LPP: variants seen among roughly 807,000 people sequenced by gnomAD.
LPP encodes lipoma-preferred partner.
LPP carries 38 observed loss-of-function variants against 60.4 expected under a neutral mutation model. The observed-to-expected ratio is 0.63, with a 90% CI of 0.49 to 0.83. The LOEUF (loss-of-function observed/expected upper bound fraction) is 0.83. LPP is among the 40% of genes least tolerant of loss of function. LPP has a pLI of 0.00. For synonymous variants in LPP, 328 were observed against 290.8 expected, an observed-to-expected ratio of 1.13 and a Z score of -1.30; for missense variants, 902 against 783.6, an observed-to-expected ratio of 1.15 and a Z score of -1.80.
intron 3 of LPP, among the ~76,000 whole-genome samples, chr3:188,347,167 C>A (rs1764621759): frequency 6.6e-6 from 1 of 151,956 alleles, no homozygotes; most frequent in African/African-American, 2.4e-5. Context: ...TATGTGAATA[C>A]CTCCAGAGAT....
At chr3:188,709,856 T>C (rs913747418) in intron 8 of LPP, 1 of 152,186 alleles carries the variant, frequency 6.6e-6, no homozygotes, top group African/African-American at 2.4e-5. Context: ...AGACACAAAA[T>C]AAAATGGAAG....
chr3:188,269,210 A>T (rs539627294), intron 2 of LPP, among the ~76,000 whole-genome samples: 4 of 152,322 alleles, frequency 2.6e-5, no homozygotes, highest in Non-Finnish European at 5.9e-5. Context: ...TAATATCTTT[A>T]TGCTGTTCCT....
intron 9 of LPP, among the ~76,000 whole-genome samples, chr3:188,831,319 A>T (rs1480586811): frequency 6.6e-6 from 1 of 152,174 alleles, no homozygotes; most frequent in African/African-American, 2.4e-5. Flanking sequence ...CTGGAGAGCA[A>T]AATCAAGCAC....
intron 4 of LPP, among the ~76,000 whole-genome samples, chr3:188,432,021 G>A (rs1237367544): frequency 2.0e-5 from 3 of 151,902 alleles, no homozygotes; most frequent in Non-Finnish European, 4.4e-5. Flanking sequence ...ATGTTCTTAA[G>A]TGCATGTAGT....
intron 2 of LPP, among the ~76,000 whole-genome samples, chr3:188,283,976 C>CA (rs35079555): frequency 0.066 from 10,060 of 151,324 alleles, 471 homozygotes; most frequent in Non-Finnish European, 0.099. Flanking sequence ...GACTCCATCT[C>CA]AAAAAAAATA....
chr3:188,415,627 A>G (rs2148971795), intron 4 of LPP, among the ~76,000 whole-genome samples: 1 of 152,236 alleles, frequency 6.6e-6, no homozygotes, highest in South Asian at 2.1e-4. Flanking sequence ...AAAAAGAATG[A>G]AGTATTGTTG....
At chr3:188,509,369 G>A (rs1250180784) in intron 5 of LPP, among the ~76,000 whole-genome samples, 2 of 152,168 alleles carry the variant, frequency 1.3e-5, no homozygotes, top group Non-Finnish European at 2.9e-5. Context: ...CTAAAACTAA[G>A]AGTATACGAC....
intron 9 of LPP, among the ~76,000 whole-genome samples, chr3:188,845,402 A>G (rs932803327): frequency 6.6e-6 from 1 of 152,212 alleles, no homozygotes; most frequent in African/African-American, 2.4e-5. Context: ...CTTGAGAGAG[A>G]TGAAAAGTTC....
At chr3:188,303,069 G>A (rs1009856251) in intron 2 of LPP, among the ~76,000 whole-genome samples, 1 of 152,174 alleles carries the variant, frequency 6.6e-6, no homozygotes, top group Non-Finnish European at 1.5e-5. Flanking sequence ...ACTGTGCTAT[G>A]TGGGAAAAAT....
At chr3:188,658,070 C>A (rs1474580729) in intron 7 of LPP, among the ~76,000 whole-genome samples, 1 of 127,442 alleles carries the variant, frequency 7.8e-6, no homozygotes, top group African/African-American at 2.9e-5. Flanking sequence ...GAATGAGTAA[C>A]CAGTGTTTTG....
chr3:188,219,551 A>G lies in LPP; in HGVS notation c.-189-5854A>G, dbSNP rs116038586. Among the ~76,000 whole-genome samples, 522 of 152,290 alleles carry G rather than the reference A, an allele frequency of 3.4e-3. 9 individuals carry two copies. Among genetic ancestry groups the G allele is most frequent in the African/African-American group, 0.012 (482 of 41,560 alleles). ...GCTCAGGTGCTGAAAGGCTATTTGCATAGCCCTACTGTTAGAGCACAGAAT... is the reference window on the plus strand; with the variant it reads ...GCTCAGGTGCTGAAAGGCTATTTGCGTAGCCCTACTGTTAGAGCACAGAAT... On this transcript the variant is annotated intron_variant, in intron 1 of 11. Transcript: ENST00000617246.
At position 188,249,435 on chromosome 3, in the gene LPP, G is replaced by A. The variant is rs112208195; in HGVS notation, c.-67+23908G>A. 9.8e-3 allele frequency among the ~76,000 whole-genome samples: 1,489 copies of A among 151,494 alleles called. 19 individuals are homozygous for A. The highest frequency in any genetic ancestry group is 0.033 in the African/African-American group (1,376 of 41,256). On this transcript the variant is annotated intron_variant, in intron 2 of 11. Coordinates refer to ENST00000617246, the MANE Select transcript of LPP (RefSeq NM_001375462.1). Reference sequence around the variant, plus strand: ...CTGGGCGACAGAGCAAGAGTGTCTCGAAGGAAGGAAGGAAGGAAAGGAAGG... The same window carrying A: ...CTGGGCGACAGAGCAAGAGTGTCTCAAAGGAAGGAAGGAAGGAAAGGAAGG...
chr3:188,156,419 T>A (rs184391136), intron 1 of LPP, among the ~76,000 whole-genome samples: 114 of 152,284 alleles, frequency 7.5e-4, no homozygotes, highest in African/African-American at 2.6e-3. Context: ...GGAGTTTGGA[T>A]ATATCTTAAA....
intron 4 of LPP, among the ~76,000 whole-genome samples, chr3:188,407,768 G>GTTTTTTTTTTTTTTTTT (rs760058728): frequency 1.6e-5 from 1 of 61,282 alleles, no homozygotes; most frequent in African/African-American, 4.5e-5. Context: ...CTCATTTATG[G>GTTTTTTTTTTTTTTTTT]TTTTTTTTTT....
chr3:188,289,154 A>G (rs1356400770), intron 2 of LPP, among the ~76,000 whole-genome samples: 5 of 152,122 alleles, frequency 3.3e-5, no homozygotes, highest in East Asian at 3.9e-4. Flanking sequence ...AGCATTTTAG[A>G]TTTTCTTTTC....
intron 4 of LPP, among the ~76,000 whole-genome samples, chr3:188,434,070 T>C (rs927892736): frequency 1.3e-5 from 2 of 152,176 alleles, no homozygotes; most frequent in Non-Finnish European, 2.9e-5. Context: ...AGACGAAGTC[T>C]ACAGATGCTG....
intron 2 of LPP, among the ~76,000 whole-genome samples, chr3:188,273,508 C>G (rs963118558): frequency 6.6e-6 from 1 of 151,728 alleles, no homozygotes; most frequent in African/African-American, 2.4e-5. Flanking sequence ...ATCTTACCCC[C>G]CTTTCATTTT....
At chr3:188,443,512 A>C (rs758180079) in intron 4 of LPP, among the ~76,000 whole-genome samples, 2 of 152,192 alleles carry the variant, frequency 1.3e-5, no homozygotes, top group Non-Finnish European at 2.9e-5. Context: ...TATTGTATAG[A>C]AGCGTATCGT....
rs553326357 is a variant in LPP, at chr3:188,353,330, A to G, written c.-10+11611A>G. On this transcript the variant is annotated intron_variant, in intron 3 of 11. Transcript: ENST00000617246. ...TTGAGTTGAACTTAGTTGGATTCGG[A>G]TGACCTCTAAAAAATGTTTACTAAT... 8.5e-5 allele frequency among the ~76,000 whole-genome samples: 13 copies of G among 152,302 alleles called. No homozygotes were observed. The South Asian group carries it at 2.1e-3, about 24-fold the overall frequency.
Sources: gnomAD v4.1 joint callset for allele counts (sites outside exome capture counted in the v4.1 genomes callset) on GRCh38, gnomAD v4.1.1 for gene constraint, MANE v1.5 for transcripts, NCBI Gene and HGNC (gene_info 2026-07-23, HGNC 2026-07-21) for gene names.